Variants in BTBD9 observed in about 807,000 individuals in gnomAD.
The protein encoded by BTBD9 is BTB domain containing 9, also known as BTB/POZ domain-containing protein 9.
BTBD9 carries 49 observed loss-of-function variants against 64.3 expected under a neutral mutation model. The ratio of observed to expected loss-of-function variants is 0.76; its 90% CI spans 0.61 to 0.97. The LOEUF (loss-of-function observed/expected upper bound fraction) is 0.97, where lower values mean the gene tolerates loss of function less well. Ranked by LOEUF, BTBD9 falls within the 50% of genes least tolerant of loss-of-function variation. The pLI is 0.00. For synonymous variants in BTBD9, 260 were observed against 274.7 expected, an observed-to-expected ratio of 0.95 and a Z score of 0.53; for missense variants, 598 against 762.1, an observed-to-expected ratio of 0.78 and a Z score of 2.53.
At chr6:38,507,062 T>A (rs1213271398) in intron 6 of BTBD9, among the ~76,000 whole-genome samples, 1 of 152,174 alleles carries the variant, frequency 6.6e-6, no homozygotes, top group Non-Finnish European at 1.5e-5. Context: ...CCTAGGCTCT[T>A]CTCACCTGTC....
chr6:38,323,204 C>G (rs558113538), intron 7 of BTBD9, among the ~76,000 whole-genome samples: 4 of 152,294 alleles, frequency 2.6e-5, no homozygotes, highest in Admixed American at 6.5e-5. Flanking sequence ...AATTACACAG[C>G]AGCATGATAA....
intron 6 of BTBD9, among the ~76,000 whole-genome samples, chr6:38,360,665 G>C (rs1341734797): frequency 6.6e-6 from 1 of 152,134 alleles, no homozygotes; most frequent in East Asian, 1.9e-4. Context: ...GGAAAATGCA[G>C]GCAGAAGAGT....
At chr6:38,321,139 C>T (rs1763217124) in intron 7 of BTBD9, among the ~76,000 whole-genome samples, 1 of 152,190 alleles carries the variant, frequency 6.6e-6, no homozygotes, top group African/African-American at 2.4e-5. Context: ...CCACAGTCTG[C>T]CTTTTACAAT....
intron 10 of BTBD9, among the ~76,000 whole-genome samples, chr6:38,188,834 C>T (rs547389499): frequency 6.6e-6 from 1 of 152,290 alleles, no homozygotes; most frequent in Admixed American, 6.5e-5. Context: ...CTCATGCCTG[C>T]GCCCTCTGTC....
chr6:38,622,546 G>A (rs1778022964), intron 1 of BTBD9, among the ~76,000 whole-genome samples: 1 of 152,164 alleles, frequency 6.6e-6, no homozygotes, highest in Admixed American at 6.5e-5. Flanking sequence ...ATCTCTGATA[G>A]GACCAAAAAT....
At chr6:38,310,938 G>A (rs1167442578) in intron 7 of BTBD9, among the ~76,000 whole-genome samples, 1 of 152,178 alleles carries the variant, frequency 6.6e-6, no homozygotes, top group Non-Finnish European at 1.5e-5. Context: ...CTCCTGAGTA[G>A]CTGAGTTTAC....
chr6:38,317,853 T>C (rs1763079988), intron 7 of BTBD9, among the ~76,000 whole-genome samples: 2 of 152,120 alleles, frequency 1.3e-5, no homozygotes, highest in Non-Finnish European at 2.9e-5. Flanking sequence ...TGCTTTTTAA[T>C]TATTTTCTTT....
At chr6:38,421,069 G>GTTTTAGAAAACAGT (rs142540333) in intron 6 of BTBD9, among the ~76,000 whole-genome samples, 75,317 of 151,760 alleles carry the variant, frequency 0.5, 19,081 homozygotes, top group Middle Eastern at 0.64. Context: ...TAATAAAAAT[G>GTTTTAGAAAACAGT]TATAGGGCTG....
At chr6:38,437,604 T>C (rs1443614238) in intron 6 of BTBD9, among the ~76,000 whole-genome samples, 3 of 152,214 alleles carry the variant, frequency 2.0e-5, no homozygotes, top group Admixed American at 6.5e-5. Flanking sequence ...TGTTTTCTGA[T>C]GTGTTTCATC....
chr6:38,309,120 A>G (rs1463825003), intron 7 of BTBD9, among the ~76,000 whole-genome samples: 1 of 151,368 alleles, frequency 6.6e-6, no homozygotes, highest in East Asian at 2.0e-4. Context: ...CTGTAATCCC[A>G]GCACTTTGGG....
At chr6:38,302,485 G>GTGTATATA (rs1554137022) in intron 7 of BTBD9, among the ~76,000 whole-genome samples, 18 of 106,894 alleles carry the variant, frequency 1.7e-4, no homozygotes, top group African/African-American at 2.8e-4. Flanking sequence ...TTGTGTGTAT[G>GTGTATATA]TATATATATA....
chr6:38,574,696 T>C (rs1775946316), intron 6 of BTBD9, among the ~76,000 whole-genome samples: 1 of 152,232 alleles, frequency 6.6e-6, no homozygotes, highest in Non-Finnish European at 1.5e-5. Context: ...GGTGTTGGTA[T>C]TCCTATTCTT....
chr6:38,366,522 T>C (rs1272577588), intron 6 of BTBD9, among the ~76,000 whole-genome samples: 1 of 151,242 alleles, frequency 6.6e-6, no homozygotes, highest in Non-Finnish European at 1.5e-5. Flanking sequence ...GTATACTTTA[T>C]AACAGGGCAG....
At chr6:38,369,223 T>C (rs1445051868) in intron 6 of BTBD9, among the ~76,000 whole-genome samples, 1 of 152,178 alleles carries the variant, frequency 6.6e-6, no homozygotes, top group African/African-American at 2.4e-5. Flanking sequence ...GCCTCTACTC[T>C]TGCCATCCTC....
chr6:38,234,909 A>C (rs988391097), intron 9 of BTBD9, among the ~76,000 whole-genome samples: 2 of 152,260 alleles, frequency 1.3e-5, no homozygotes, highest in Admixed American at 6.5e-5. Flanking sequence ...CCCTAGTATA[A>C]AGGCTAAGAT....
intron 1 of BTBD9, among the ~76,000 whole-genome samples, chr6:38,630,719 A>G (rs1778334024): frequency 1.3e-5 from 2 of 152,228 alleles, no homozygotes; most frequent in African/African-American, 4.8e-5. Context: ...ATCTGACATG[A>G]AGTGCCAAAA....
intron 10 of BTBD9, 47 bp downstream of exon 10, chr6:38,192,472 G>A: frequency 1.3e-6 from 2 of 1,498,728 alleles, no homozygotes; most frequent in Non-Finnish European, 1.9e-6. Context: ...GCATTTACCT[G>A]TACATCATGA....
intron 6 of BTBD9, among the ~76,000 whole-genome samples, chr6:38,513,206 A>G (rs1024877364): frequency 2.6e-5 from 4 of 152,196 alleles, no homozygotes; most frequent in African/African-American, 9.6e-5. Flanking sequence ...CTATAATCCT[A>G]TCACTTTGGG....
chr6:38,177,098 T>C (rs1332895533), intron 10 of BTBD9, among the ~76,000 whole-genome samples: 7 of 152,246 alleles, frequency 4.6e-5, no homozygotes, highest in Admixed American at 4.6e-4. Flanking sequence ...ACAGGAGCTC[T>C]TTATCCGGCC....
Sources: gnomAD v4.1 joint callset for allele counts (sites outside exome capture counted in the v4.1 genomes callset) on GRCh38, gnomAD v4.1.1 for gene constraint, MANE v1.5 for transcripts, NCBI Gene and HGNC (gene_info 2026-07-23, HGNC 2026-07-21) for gene names.